Variants in FAM83D observed in about 807,000 individuals in gnomAD.
FAM83D encodes scaffolding CK1 anchoring protein D, also known as protein FAM83D.
Under a neutral mutation model 25.4 loss-of-function variants are expected in FAM83D, and 26 were observed. That is an observed-to-expected ratio of 1.02 (90% CI 0.75 to 1.42). FAM83D has a LOEUF of 1.42. Among genes scored for constraint, FAM83D ranks in the 40% most tolerant of loss-of-function variants. The pLI, the probability that FAM83D is intolerant of heterozygous loss-of-function variation, is 0.00. For synonymous variants in FAM83D, 310 were observed against 318.5 expected (o/e 0.97, Z 0.28); for missense variants, 740 against 758.1 (o/e 0.98, Z 0.28).
intron 1 of FAM83D, among the ~76,000 whole-genome samples, chr20:38,941,322 T>C (rs997578873): frequency 3.9e-5 from 6 of 151,972 alleles, no homozygotes; most frequent in Admixed American, 6.6e-5. Context: ...TGGTATGCAG[T>C]GTTAGGGAGG....
At chr20:38,927,746 G>T (rs991040280) in intron 1 of FAM83D, among the ~76,000 whole-genome samples, 10 of 151,728 alleles carry the variant, frequency 6.6e-5, no homozygotes, top group Admixed American at 5.2e-4. Flanking sequence ...TGATCCACCC[G>T]CCTCGGCCTC....
intron 1 of FAM83D, among the ~76,000 whole-genome samples, chr20:38,936,080 G>A (rs62204116): frequency 0.14 from 21,722 of 152,182 alleles, 1,659 homozygotes; most frequent in Middle Eastern, 0.19. Flanking sequence ...CTGACATTGA[G>A]TGGGTGCAGA....
intron 2 of FAM83D, among the ~76,000 whole-genome samples, chr20:38,944,668 G>A (rs984383273): frequency 1.3e-5 from 2 of 152,160 alleles, no homozygotes; most frequent in African/African-American, 2.4e-5. Context: ...GGCCGGGCGC[G>A]GTGGCTTACG....
Position 38,949,550 on chromosome 20 carries a change from C to T in FAM83D, c.776+1550C>T, listed in dbSNP as rs113910903. ...CTTTGCATTAGCCATATCTTGGTTA[C>T]AGGAGACAGAGTTGACTGTGTTCTA... On this transcript the variant is annotated intron_variant, in intron 3 of 3. Transcript: ENST00000619850. 2.2e-3 allele frequency among the ~76,000 whole-genome samples: 340 copies of T among 152,296 alleles called. 1 individual carries two copies. The highest frequency in any genetic ancestry group is 7.8e-3 in the African/African-American group (324 of 41,556).
chr20:38,947,481 C>A (rs1171177282), intron 2 of FAM83D, among the ~76,000 whole-genome samples: 1 of 152,182 alleles, frequency 6.6e-6, no homozygotes, highest in East Asian at 1.9e-4. Context: ...TCAGACTTTG[C>A]TAAAATGTTC....
chr20:38,926,437 G>A lies in FAM83D; in HGVS notation c.-6G>A, dbSNP rs1421083809. 3 of 1,597,858 alleles carry A rather than the reference G, an allele frequency of 1.9e-6. No homozygotes were observed. The highest frequency in any genetic ancestry group is 2.5e-6 in the Non-Finnish European group (3 of 1,178,634). The stretch of plus-strand genomic sequence containing the variant: ...TGTCCGAGGGCTGTCGAGTCCGAGC[G>A]CCGCCATGGCTCTGCTGTCCGAGGG... On this transcript the variant is annotated 5_prime_UTR_variant, in exon 1 of 4. Transcript: ENST00000619850.
At chr20:38,935,428 A>AGTATTAGT (rs1409420095) in intron 1 of FAM83D, among the ~76,000 whole-genome samples, 4 of 151,966 alleles carry the variant, frequency 2.6e-5, no homozygotes, top group African/African-American at 9.7e-5. Flanking sequence ...CTAATACTTA[A>AGTATTAGT]ATTGTTTTAT....
intron 1 of FAM83D, among the ~76,000 whole-genome samples, chr20:38,928,486 A>C (rs2085645783): frequency 6.6e-6 from 1 of 152,178 alleles, no homozygotes; most frequent in Non-Finnish European, 1.5e-5. Flanking sequence ...GTTCAGTGAA[A>C]AGATTAAAAA....
intron 2 of FAM83D, among the ~76,000 whole-genome samples, chr20:38,946,216 A>AC (rs1568699496): frequency 2.0e-5 from 3 of 152,070 alleles, no homozygotes; most frequent in African/African-American, 7.2e-5. Flanking sequence ...AAAAAAAAAA[A>AC]AAAACAATTT....
At chr20:38,937,721 C>T (rs930773840) in intron 1 of FAM83D, among the ~76,000 whole-genome samples, 1 of 152,180 alleles carries the variant, frequency 6.6e-6, no homozygotes, top group Non-Finnish European at 1.5e-5. Flanking sequence ...AATCTCTGCA[C>T]TTTGGGAGGC....
chr20:38,944,678 G>C (rs992464727), intron 2 of FAM83D, among the ~76,000 whole-genome samples: 1 of 152,154 alleles, frequency 6.6e-6, no homozygotes, highest in Non-Finnish European at 1.5e-5. Flanking sequence ...GGTGGCTTAC[G>C]CCTGTAATCC....
chr20:38,943,793 C>T (rs954178415), intron 2 of FAM83D, among the ~76,000 whole-genome samples: 1 of 152,026 alleles, frequency 6.6e-6, no homozygotes, highest in Non-Finnish European at 1.5e-5. Context: ...CGGGTTCAAG[C>T]GATTCTTCTG....
chr20:38,943,727 G>A (rs1009569489), intron 2 of FAM83D, among the ~76,000 whole-genome samples: 12 of 152,118 alleles, frequency 7.9e-5, no homozygotes, highest in African/African-American at 2.7e-4. Flanking sequence ...TTTTGCTCTT[G>A]TTGCCCAGGC....
At chr20:38,936,497 A>T (rs1341960800) in intron 1 of FAM83D, among the ~76,000 whole-genome samples, 3 of 152,302 alleles carry the variant, frequency 2.0e-5, no homozygotes, top group Non-Finnish European at 2.9e-5. Context: ...ACTGTCAATC[A>T]TCCGTGGTGA....
At chr20:38,933,874 T>G (rs1324804037) in intron 1 of FAM83D, among the ~76,000 whole-genome samples, 3 of 151,786 alleles carry the variant, frequency 2.0e-5, no homozygotes, top group Admixed American at 1.3e-4. Context: ...CTTTTTTTTT[T>G]TTTGAGAGTC....
At chr20:38,946,197 C>CAAAAAAAAAAAAAAAAAAAAAA (rs56740383) in intron 2 of FAM83D, among the ~76,000 whole-genome samples, 1 of 78,558 alleles carries the variant, frequency 1.3e-5, no homozygotes, top group Non-Finnish European at 2.5e-5. Context: ...GACTCCACCT[C>CAAAAAAAAAAAAAAAAAAAAAA]AAAAAAAAAA....
At chr20:38,935,489 C>A (rs1353559471) in intron 1 of FAM83D, among the ~76,000 whole-genome samples, 2 of 152,220 alleles carry the variant, frequency 1.3e-5, no homozygotes, top group African/African-American at 4.8e-5. Context: ...GTTGCCCAGG[C>A]TAGAGTGCAG....
intron 3 of FAM83D, among the ~76,000 whole-genome samples, chr20:38,951,124 C>T (rs2085751825): frequency 6.6e-6 from 1 of 152,126 alleles, no homozygotes; most frequent in East Asian, 1.9e-4. Context: ...CGCCTGGCCC[C>T]CTTTCCAGTT....
intron 1 of FAM83D, among the ~76,000 whole-genome samples, chr20:38,936,836 G>C (rs1222410701): frequency 2.0e-5 from 3 of 152,146 alleles, no homozygotes; most frequent in South Asian, 2.1e-4. Flanking sequence ...GCAGAAAAGA[G>C]TTCAGTTCTA....
Sources: gnomAD v4.1 joint callset for allele counts (sites outside exome capture counted in the v4.1 genomes callset) on GRCh38, gnomAD v4.1.1 for gene constraint, MANE v1.5 for transcripts, NCBI Gene and HGNC (gene_info 2026-07-23, HGNC 2026-07-21) for gene names.